The following TCERG1 variants were observed in gnomAD, a reference collection of about 807,000 sequenced individuals.
The protein encoded by TCERG1 is TATA box binding protein (TBP)-associated factor, RNA polymerase II, S, 150kD.
In TCERG1, 37 loss-of-function variants were observed where a neutral mutation model predicts 144.7. That is an observed-to-expected ratio of 0.26 (90% CI 0.20 to 0.34). The LOEUF is 0.34. Ranked by LOEUF, TCERG1 falls within the 10% of genes least tolerant of loss-of-function variation. The probability of loss-of-function intolerance (pLI) is 1.00; values close to 1 mark genes in which losing one functional copy is unlikely to be tolerated. For synonymous variants in TCERG1, 492 were observed against 458.2 expected (o/e 1.07, Z -0.94); for missense variants, 1,027 against 1,380.7 (o/e 0.74, Z 4.06).
chr5:146,502,269 A>G (rs1172646169), intron 17 of TCERG1, among the ~76,000 whole-genome samples: 1 of 152,128 alleles, frequency 6.6e-6, no homozygotes, highest in Non-Finnish European at 1.5e-5. Flanking sequence ...AATGATTCAT[A>G]TATTTTTGTG....
At chr5:146,454,644 C>G (rs1168790728) in intron 1 of TCERG1, among the ~76,000 whole-genome samples, 3 of 152,062 alleles carry the variant, frequency 2.0e-5, no homozygotes, top group Non-Finnish European at 4.4e-5. Context: ...GTTGCCCAGG[C>G]AGGAGTGCAG....
chr5:146,482,592 G>A lies in TCERG1; in HGVS notation c.1938G>A (p.Arg646=). Residue 646 remains arginine, a splice_region_variant and synonymous_variant, in exon 14 of 23, where the codon AGG becomes AGA. Coordinates refer to ENST00000679501, the MANE Select transcript of TCERG1 (RefSeq NM_001382548.1). ...ATGTCTTATATTTTATTTTTTATAG[G>A]AGAGACGATAATAAAGACATTGACT... is the stretch of plus-strand genomic sequence containing the variant. ...FMWIARASLF[R]RDDNKDIDSE... is the part of the protein sequence containing the mutation. 1 of 1,606,798 alleles carries A rather than the reference G, an allele frequency of 6.2e-7. No homozygotes were observed. Among genetic ancestry groups the A allele is most frequent in the Non-Finnish European group, 8.5e-7 (1 of 1,176,654 alleles).
intron 9 of TCERG1, among the ~76,000 whole-genome samples, chr5:146,477,792 G>A (rs890205445): frequency 1.3e-5 from 2 of 149,870 alleles, no homozygotes; most frequent in Non-Finnish European, 3.0e-5. Flanking sequence ...TGACCTCCCG[G>A]GCTCAGGTGA....
In TCERG1 at chr5:146,447,381, G is replaced by A. The variant is rs922759763; in HGVS notation, c.32G>A (p.Ser11Asn). Residue 11 changes from serine to asparagine, a missense_variant, in exon 1 of 23, where the codon AGT becomes AAT. This residue lies in a region of TCERG1 where 175 missense variants were observed against 197.0 expected (regional missense o/e 0.89). Coordinates refer to ENST00000679501, the MANE Select transcript of TCERG1 (RefSeq NM_001382548.1). MAERGGDGGE[S>N]ERFNPGELRM... ...GAGCGTGGCGGGGACGGGGGCGAGA[G>A]TGAACGATTCAACCCGGGGGAGCTC... The A allele has an allele frequency of 6.2e-7, 1 of 1,611,542 alleles. No individual in the cohort carries two copies. The highest frequency in any genetic ancestry group is 1.3e-5 in the African/African-American group (1 of 74,712).
chr5:146,510,930 C>G lies in TCERG1; in HGVS notation c.*288C>G, dbSNP rs1356913330. 1 of 229,302 alleles carries G rather than the reference C, an allele frequency of 4.4e-6. No homozygotes were observed. Among genetic ancestry groups the G allele is most frequent in the Non-Finnish European group, 8.5e-6 (1 of 118,204 alleles). 14.2% of individuals were successfully genotyped at this position (229,302 alleles called of 1,614,324 possible). ...GGTGTGGAAGTCAGTGACTTGGTGA[C>G]GTTCTTCCTAGCAGTGTTAATACAT... On this transcript the variant is annotated 3_prime_UTR_variant, in exon 23 of 23. Transcript: ENST00000679501.
At chr5:146,475,849 G>A (rs1764795142) in intron 9 of TCERG1, among the ~76,000 whole-genome samples, 1 of 152,120 alleles carries the variant, frequency 6.6e-6, no homozygotes, top group Non-Finnish European at 1.5e-5. Context: ...GTATAGGAAG[G>A]GAAGGGCTTA....
At position 146,480,021 on chromosome 5, in the gene TCERG1, C is replaced by T. The variant is rs1765198562; in HGVS notation, c.1820-7C>T. 6.3e-7 allele frequency: 1 copy of T among 1,595,526 alleles called. No individual in the cohort carries two copies. The highest frequency in any genetic ancestry group is 1.7e-5 in the Admixed American group (1 of 57,340). The stretch of plus-strand genomic sequence containing the variant: ...CCTAAATATTTTAATTAAATTTTGT[C>T]TTATAGTTAAAGAGGAACAAGAATT... On this transcript the variant is annotated splice_polypyrimidine_tract_variant and splice_region_variant and intron_variant, in intron 11 of 22. Transcript: ENST00000679501.
In TCERG1 at chr5:146,493,162, C is replaced by G. The variant is rs541349593; in HGVS notation, c.2282+124C>G. The stretch of plus-strand genomic sequence containing the variant: ...CACTAAAAGCTCCTTATTTGATTAT[C>G]GGTTTTTGCCAAAATTTCTAATCTT... On this transcript the variant is annotated intron_variant, in intron 16 of 22. Coordinates refer to ENST00000679501, the MANE Select transcript of TCERG1 (RefSeq NM_001382548.1). 3 of 658,010 alleles carry G rather than the reference C, an allele frequency of 4.6e-6. No individual in the cohort carries two copies. The African/African-American group carries it at 5.8e-5, about 13-fold the overall frequency. 40.8% of individuals were successfully genotyped at this position (658,010 alleles called of 1,614,324 possible).
chr5:146,452,568 G>A (rs1388884171), intron 1 of TCERG1, among the ~76,000 whole-genome samples: 1 of 152,072 alleles, frequency 6.6e-6, no homozygotes, highest in Admixed American at 6.6e-5. Context: ...ATTTGCCTGT[G>A]TTTGAATCCT....
Position 146,469,598 on chromosome 5 carries a change from C to G in TCERG1, c.1253C>G (p.Ala418Gly). Residue 418 changes from alanine (A) to glycine (G), a missense_variant, in exon 7 of 23, where the codon GCT becomes GGT. Around this residue, in one of 6 missense-constraint regions of TCERG1, gnomAD observed 482 missense variants for 632.6 expected, o/e 0.76. Transcript: ENST00000679501. ...GTACCCATGATACATCCCCAGGTTG[C>G]TATTGCAGCTTCACCTGCTACCTTA... ...PIVPMIHPQVAIAASPATLAG... is the reference protein window; with the variant it reads ...PIVPMIHPQVGIAASPATLAG... 1 of 1,613,138 alleles carries G rather than the reference C, an allele frequency of 6.2e-7. No homozygotes were observed. The highest frequency in any genetic ancestry group is 8.5e-7 in the Non-Finnish European group (1 of 1,179,482).
chr5:146,463,561 A>T lies in TCERG1; in HGVS notation c.903A>T (p.Thr301=). 1 of 1,614,184 alleles carries T rather than the reference A, an allele frequency of 6.2e-7. No homozygotes were observed. The highest frequency in any genetic ancestry group is 2.2e-5 in the East Asian group (1 of 44,890). The part of the protein sequence containing the change: ...SVAQTVSTPT[T]QDQTPSSAVS... ...TTTATCTTTTATCAGCACCCACAAC[A>T]CAAGATCAGACCCCAAGTTCTGCTG... Residue 301 remains threonine (T), a synonymous_variant, in exon 5 of 23, where the codon ACA becomes ACT. Transcript: ENST00000679501.
chr5:146,507,421 A>G lies in TCERG1; in HGVS notation c.2961+214A>G. ...TTTTCACATTCATAACTGCTCCCAT[A>G]GTAATTCAAAATGTCCTTAGCCATG... On this transcript the variant is annotated intron_variant, in intron 20 of 22. Transcript: ENST00000679501. This position sits in a 1 kb window ranked among gnomAD's most constrained non-coding sequence, Gnocchi z 4.6. 2.1e-6 allele frequency: 1 copy of G among 467,536 alleles called. No homozygotes were observed. The highest frequency in any genetic ancestry group is 2.0e-5 in the African/African-American group (1 of 49,672). The allele number at this position is 467,536 out of a possible 1,614,324, so 29.0% of individuals were successfully genotyped here.
intron 4 of TCERG1, among the ~76,000 whole-genome samples, chr5:146,459,814 A>G (rs959986420): frequency 1.3e-5 from 2 of 152,222 alleles, no homozygotes; most frequent in Non-Finnish European, 2.9e-5. Flanking sequence ...AGTAGGGTTT[A>G]AGCAGGTTCA....
At chr5:146,450,118 A>G (rs949026895) in intron 1 of TCERG1, among the ~76,000 whole-genome samples, 1 of 152,272 alleles carries the variant, frequency 6.6e-6, no homozygotes. Flanking sequence ...GCAACAGTAT[A>G]CTAAAGGGAA....
rs536241196 is a variant in TCERG1 at position 146,501,346 on chromosome 5, G to A, written c.2434-2029G>A. Reference sequence around the variant, plus strand: ...GCTGTCAGGCAATTGTTCTCATACTGATAGCCTTAGTAAGCCATTTATAAC... The same window carrying A: ...GCTGTCAGGCAATTGTTCTCATACTAATAGCCTTAGTAAGCCATTTATAAC... On this transcript the variant is annotated intron_variant, in intron 17 of 22. Coordinates refer to ENST00000679501, the MANE Select transcript of TCERG1 (RefSeq NM_001382548.1). 7.9e-5 allele frequency among the ~76,000 whole-genome samples: 12 copies of A among 151,964 alleles called. No homozygotes were observed. In the South Asian group the frequency reaches 2.3e-3, roughly 29 times the overall value.
At chr5:146,452,994 T>G (rs959625254) in intron 1 of TCERG1, among the ~76,000 whole-genome samples, 1 of 152,210 alleles carries the variant, frequency 6.6e-6, no homozygotes, top group Non-Finnish European at 1.5e-5. Context: ...TCCATCTCAT[T>G]GGGTTGTTTT....
chr5:146,492,862 G>T (rs894757333), intron 15 of TCERG1, 58 bp from the exon 16 acceptor site: 8 of 1,183,196 alleles, frequency 6.8e-6, no homozygotes, highest in Admixed American at 2.0e-5. Context: ...CAATAATTTG[G>T]TAGTTAAATT....
intron 17 of TCERG1, among the ~76,000 whole-genome samples, chr5:146,502,406 A>G (rs966649570): frequency 6.6e-6 from 1 of 152,198 alleles, no homozygotes; most frequent in African/African-American, 2.4e-5. Context: ...TACCTTGGGT[A>G]TCTTCTATGG....
chr5:146,459,462 AT>A, intron 4 of TCERG1, 125 bp downstream of exon 4: 2 of 1,477,358 alleles, frequency 1.4e-6, no homozygotes, highest in Non-Finnish European at 1.8e-6. Context: ...TTTAAAATAC[AT>A]TTTTGACACT....
Sources: allele counts gnomAD v4.1 joint callset (sites outside exome capture counted in the v4.1 genomes callset), GRCh38; gene constraint gnomAD v4.1.1; regional missense constraint gnomAD v4.1.1; non-coding constraint Gnocchi (gnomAD v3.1); transcripts MANE v1.5; gene names NCBI Gene and HGNC (gene_info 2026-07-23, HGNC 2026-07-21).